The following CR1 variants were observed in gnomAD, a reference collection of about 807,000 sequenced individuals.
CR1 encodes complement receptor type 1.
A neutral mutation model predicts 187.3 loss-of-function variants in CR1; 116 were observed. That is an observed-to-expected ratio of 0.62 (90% CI 0.53 to 0.72). The LOEUF (loss-of-function observed/expected upper bound fraction) is 0.72. CR1 is among the 30% of genes least tolerant of loss of function. The pLI, the probability that CR1 is intolerant of heterozygous loss-of-function variation, is 0.00. For synonymous variants in CR1, 576 were observed against 747.1 expected, an observed-to-expected ratio of 0.77 and a Z score of 3.73; for missense variants, 1,731 against 2,110.7, an observed-to-expected ratio of 0.82 and a Z score of 3.52.
chr1:207,601,013 C>G (rs1421302388), intron 35 of CR1, among the ~76,000 whole-genome samples: 1 of 151,816 alleles, frequency 6.6e-6, no homozygotes, highest in African/African-American at 2.4e-5. Flanking sequence ...AATAAATGAA[C>G]AAAACATTTC....
chr1:207,639,276 G>C, intron 46 of CR1, 121 bp from the exon 47 acceptor site: 1 of 854,614 alleles, frequency 1.2e-6, no homozygotes, highest in African/African-American at 1.7e-5. Context: ...TCCTCCTAAA[G>C]CAACTCCTGT....
intron 35 of CR1, among the ~76,000 whole-genome samples, chr1:207,589,411 T>C (rs1429830804): frequency 6.6e-6 from 1 of 151,778 alleles, no homozygotes; most frequent in Non-Finnish European, 1.5e-5. Flanking sequence ...AGGAATAGCA[T>C]CAACATTAAC....
chr1:207,503,560 G>A (rs1659338913), intron 1 of CR1, among the ~76,000 whole-genome samples: 1 of 152,070 alleles, frequency 6.6e-6, no homozygotes, highest in South Asian at 2.1e-4. Flanking sequence ...TTCCAAACCA[G>A]CACCATAGTG....
chr1:207,636,183 G>A (rs568650474), intron 46 of CR1, among the ~76,000 whole-genome samples: 1 of 152,066 alleles, frequency 6.6e-6, no homozygotes, highest in Admixed American at 6.5e-5. Flanking sequence ...GACAAAACAG[G>A]CACACAAGGA....
intron 46 of CR1, among the ~76,000 whole-genome samples, chr1:207,634,098 T>A (rs1000955379): frequency 6.6e-6 from 1 of 152,112 alleles, no homozygotes; most frequent in Non-Finnish European, 1.5e-5. Flanking sequence ...GGCAGGGCAT[T>A]TTCACTTCTT....
At chr1:207,605,931 T>C (rs1018750897) in intron 35 of CR1, 8 of 152,224 alleles carry the variant, frequency 5.3e-5, no homozygotes, top group African/African-American at 1.9e-4. Context: ...CAGTTCCCTT[T>C]AGCTTTCTGT....
At position 207,580,555 on chromosome 1, in the gene CR1, G is replaced by A. The variant is rs1399695339; in HGVS notation, c.5158G>A (p.Val1720Met). The A allele has an allele frequency of 2.5e-6, 4 of 1,611,154 alleles. No individual in the cohort carries two copies. Among genetic ancestry groups the A allele is most frequent in the African/African-American group, 1.4e-5 (1 of 73,878 alleles). Residue 1720 changes from valine to methionine, a missense_variant, in exon 31 of 47, where the codon GTG becomes ATG. Coordinates refer to ENST00000367049, the MANE Select transcript of CR1 (RefSeq NM_000651.6). ...CTTGGGTCAACTCCCTCATGGCCGT[G>A]TGCTATTTCCACTTAATCTCCAGCT... ...DFLGQLPHGR[V>M]LFPLNLQLGA...
intron 1 of CR1, among the ~76,000 whole-genome samples, chr1:207,502,148 G>A (rs1659290930): frequency 6.6e-6 from 1 of 152,094 alleles, no homozygotes; most frequent in Non-Finnish European, 1.5e-5. Flanking sequence ...CCAGGACTAA[G>A]TATTAATTTA....
At chr1:207,526,089 A>G (rs992228821) in intron 5 of CR1, among the ~76,000 whole-genome samples, 3 of 152,048 alleles carry the variant, frequency 2.0e-5, no homozygotes, top group Non-Finnish European at 4.4e-5. Context: ...GTAAATATAC[A>G]CTCTCATCAT....
rs552981043 is a variant in CR1, at chr1:207,501,361, G to A, written c.122-4543G>A. Among the ~76,000 whole-genome samples the A allele has an allele frequency of 4.1e-4, 62 of 152,276 alleles. No individual in the cohort carries two copies. The South Asian group carries it at 5.0e-3, about 12-fold the overall frequency. On this transcript the variant is annotated intron_variant, in intron 1 of 46. Transcript: ENST00000367049. Reference sequence around the variant, plus strand: ...ACGCATACATATGTTATAAGTAATCGAATTGTACACTTCAAATACTCATCA... The same window carrying A: ...ACGCATACATATGTTATAAGTAATCAAATTGTACACTTCAAATACTCATCA...
intron 35 of CR1, among the ~76,000 whole-genome samples, chr1:207,595,057 C>T (rs1205809091): frequency 6.8e-6 from 1 of 147,722 alleles, no homozygotes; most frequent in Non-Finnish European, 1.5e-5. Flanking sequence ...GATCTGATAT[C>T]AGAAAAGTTG....
At chr1:207,582,653 T>C (rs947776977) in intron 32 of CR1, among the ~76,000 whole-genome samples, 11 of 152,200 alleles carry the variant, frequency 7.2e-5, no homozygotes, top group African/African-American at 2.7e-4. Context: ...AATGGGAGGC[T>C]GTTGCAGCAA....
Position 207,523,138 on chromosome 1 carries a change from A to G in CR1, c.488-473A>G, listed in dbSNP as rs530431309. Among the ~76,000 whole-genome samples, 7 of 152,286 alleles carry G rather than the reference A, an allele frequency of 4.6e-5. No individual in the cohort carries two copies. The South Asian group carries it at 1.5e-3, about 32-fold the overall frequency. On this transcript the variant is annotated intron_variant, in intron 4 of 46. Transcript: ENST00000367049. ...CCCCCTGTAGTCTACAGTTTTATAAATATTCTCATATACATAAAAATATGT... is the reference window on the plus strand; with the variant it reads ...CCCCCTGTAGTCTACAGTTTTATAAGTATTCTCATATACATAAAAATATGT...
At chr1:207,517,709 A>T (rs1369530103) in intron 4 of CR1, among the ~76,000 whole-genome samples, 1 of 152,006 alleles carries the variant, frequency 6.6e-6, no homozygotes, top group East Asian at 1.9e-4. Context: ...TATCTTATTG[A>T]ATTAGTTTGG....
intron 36 of CR1, among the ~76,000 whole-genome samples, chr1:207,608,369 A>G (rs1178609356): frequency 6.6e-6 from 1 of 152,184 alleles, no homozygotes; most frequent in Non-Finnish European, 1.5e-5. Context: ...ATCCATACAT[A>G]TGCATGTATC....
At position 207,580,249 on chromosome 1, in the gene CR1, C is replaced by A; in HGVS notation, c.4946C>A (p.Pro1649Gln). Reference sequence around the variant, plus strand: ...ACTGTCCTTTCCACAGTGTGTCAGCCGCCTCCAGAAATCCTGCATGGTGAG... The same window carrying A: ...ACTGTCCTTTCCACAGTGTGTCAGCAGCCTCCAGAAATCCTGCATGGTGAG... The part of the protein sequence containing the change: ...ELPSCSRVCQ[P>Q]PPEILHGEHT... Residue 1649 changes from proline to glutamine, a missense_variant, in exon 30 of 47, where the codon CCG (proline) becomes CAG (glutamine). By Grantham distance (76) the Pro-to-Gln change is moderately conservative. Around this residue, in one of 5 missense-constraint regions of CR1, gnomAD observed 1,312 missense variants for 1,379.6 expected, o/e 0.95. Coordinates refer to ENST00000367049, the MANE Select transcript of CR1 (RefSeq NM_000651.6). The A allele has an allele frequency of 6.2e-7, 1 of 1,613,530 alleles. No homozygotes were observed. Among genetic ancestry groups the A allele is most frequent in the East Asian group, 2.2e-5 (1 of 44,854 alleles).
intron 1 of CR1, among the ~76,000 whole-genome samples, chr1:207,497,504 TAA>T (rs1659125297): frequency 6.6e-6 from 1 of 152,136 alleles, no homozygotes; most frequent in African/African-American, 2.4e-5. Flanking sequence ...CCTTCTTCTC[TAA>T]AAGAGTAAAT....
Position 207,586,261 on chromosome 1 carries a change from C to T in CR1, c.5531-1125C>T, listed in dbSNP as rs190948357. Among the ~76,000 whole-genome samples the T allele has an allele frequency of 3.9e-5, 6 of 152,152 alleles. No individual in the cohort carries two copies. The East Asian group carries it at 5.8e-4, about 15-fold the overall frequency. ...CAAGCAAGCCTCCCATCTCAGCCTGCCAAGTAGGTGGGACCACAGGTGCAT... is the reference window on the plus strand; with the variant it reads ...CAAGCAAGCCTCCCATCTCAGCCTGTCAAGTAGGTGGGACCACAGGTGCAT... On this transcript the variant is annotated intron_variant, in intron 33 of 46. Coordinates refer to ENST00000367049, the MANE Select transcript of CR1 (RefSeq NM_000651.6).
intron 40 of CR1, among the ~76,000 whole-genome samples, chr1:207,616,303 A>G (rs1291303908): frequency 6.6e-6 from 1 of 152,184 alleles, no homozygotes; most frequent in Admixed American, 6.5e-5. Context: ...TTTAAAAAAA[A>G]TAAAAACAAT....
Sources: gnomAD v4.1 joint callset for allele counts (sites outside exome capture counted in the v4.1 genomes callset) on GRCh38, gnomAD v4.1.1 for gene constraint, gnomAD v4.1.1 regional missense constraint, MANE v1.5 for transcripts, NCBI Gene and HGNC (gene_info 2026-07-23, HGNC 2026-07-21) for gene names.